DEDD2: variants seen among roughly 807,000 people sequenced by gnomAD.
DEDD2 encodes DNA-binding death effector domain-containing protein 2.
In DEDD2, 18 loss-of-function variants were observed where a neutral mutation model predicts 28.9. That is an observed-to-expected ratio of 0.62 (90% confidence interval 0.43 to 0.92). The LOEUF (loss-of-function observed/expected upper bound fraction) is 0.92, where lower values mean the gene tolerates loss of function less well. Among genes scored for constraint, DEDD2 ranks in the 40% least tolerant of loss-of-function variants. The probability of loss-of-function intolerance (pLI) is 0.00; values close to 1 mark genes in which losing one functional copy is unlikely to be tolerated. For missense variants in DEDD2, 411 were observed against 463.3 expected (o/e 0.89, Z 1.04); for synonymous variants, 211 against 206.1 (o/e 1.02, Z -0.20).
At position 42,216,785 on chromosome 19, in the gene DEDD2, G is replaced by A; in HGVS notation, c.223C>T (p.Arg75Cys). 6.3e-7 allele frequency: 1 copy of A among 1,588,752 alleles called. No individual in the cohort carries two copies. Among genetic ancestry groups the A allele is most frequent in the Non-Finnish European group, 8.6e-7 (1 of 1,167,928 alleles). Residue 75 changes from arginine (R) to cysteine (C), a missense_variant, in exon 2 of 5, where the codon CGC becomes TGC. Coordinates refer to ENST00000596251, the MANE Select transcript of DEDD2 (RefSeq NM_133328.4). ...GLELLLELER[R>C]GQCDESNLRL... ...AGGTTGCTCTCGTCGCACTGCCCGC[G>A]GCGCTCCAGCTCCAGCAGGAGCTCT...
At position 42,199,220 on chromosome 19, in the gene DEDD2, G is replaced by T. The variant is rs773395775; in HGVS notation, c.*218C>A. ...CTCCGGAGGCTAAGGGGGCACACCT[G>T]GGGGTAGGAGGAGTCTGGGAAGGAA... is the stretch of plus-strand genomic sequence containing the variant. On this transcript the variant is annotated 3_prime_UTR_variant, in exon 5 of 5. Transcript: ENST00000596251. The surrounding 1 kb of genome is among the most constrained non-coding windows in gnomAD (Gnocchi z 7.4). The T allele has an allele frequency of 2.9e-6, 2 of 700,934 alleles. No homozygotes were observed. Among genetic ancestry groups the T allele is most frequent in the Non-Finnish European group, 4.5e-6 (2 of 440,604 alleles). The allele number at this position is 700,934 out of a possible 1,614,324, so 43.4% of individuals were successfully genotyped here.
chr19:42,204,862 C>A (rs2035469435), intron 4 of DEDD2, among the ~76,000 whole-genome samples: 1 of 151,954 alleles, frequency 6.6e-6, no homozygotes, highest in African/African-American at 2.4e-5. Context: ...ACAACAAAGC[C>A]AGCATCATCA....
At chr19:42,219,886 A>G (rs144607080), upstream of DEDD2, among the ~76,000 whole-genome samples, 2 of 152,284 alleles carry the variant, frequency 1.3e-5, no homozygotes, top group African/African-American at 4.8e-5. Flanking sequence ...CCCCTAAACA[A>G]TCTTTGAGGT....
At position 42,202,986 on chromosome 19, in the gene DEDD2, G is replaced by A. The variant is rs903712447; in HGVS notation, c.590-3157C>T. 3.9e-5 allele frequency among the ~76,000 whole-genome samples: 6 copies of A among 152,094 alleles called. 1 individual carries two copies. In the South Asian group the frequency reaches 6.2e-4, roughly 16 times the overall value. ...TATAGCTTTTACTACAGGCTGGCAC[G>A]GTACTACATACTTCACATCTGCTGA... On this transcript the variant is annotated intron_variant, in intron 4 of 4. Coordinates refer to ENST00000596251, the MANE Select transcript of DEDD2 (RefSeq NM_133328.4).
rs1330201397 is a variant in DEDD2 at position 42,216,842 on chromosome 19, C to T, written c.166G>A (p.Ala56Thr). ...AFLLDEAPGAAGGLARARSGL... is the reference protein window; with the variant it reads ...AFLLDEAPGATGGLARARSGL... ...CTGCGGGCCCGGGCTAAGCCTCCGG[C>T]GGCGCCAGGAGCCTCATCCAGCAGA... Residue 56 changes from alanine (A) to threonine (T), a missense_variant, in exon 2 of 5, where the codon GCC (alanine) becomes ACC (threonine). Ala to Thr is a moderately conservative substitution (Grantham distance 58, BLOSUM62 0). This residue lies in a region of DEDD2 where 282 missense variants were observed against 273.4 expected (regional missense o/e 1.03). Coordinates refer to ENST00000596251, the MANE Select transcript of DEDD2 (RefSeq NM_133328.4). The T allele has an allele frequency of 1.3e-6, 2 of 1,587,860 alleles. No homozygotes were observed. The highest frequency in any genetic ancestry group is 1.3e-5 in the African/African-American group (1 of 74,214).
At chr19:42,210,788 G>A (rs1222253391) in intron 3 of DEDD2, among the ~76,000 whole-genome samples, 3 of 151,910 alleles carry the variant, frequency 2.0e-5, no homozygotes, top group Admixed American at 6.6e-5. Flanking sequence ...CAAATAGGCC[G>A]CACACGGTGT....
rs752450468 is a variant in DEDD2 at position 42,206,086 on chromosome 19, TA to T, written c.589+3613del. ...GCGACGGAGACCCTGTCTCATAATT[TA>T]AAAAAAAAAAAAAAAATTGCAGGGG... On this transcript the variant is annotated intron_variant, in intron 4 of 4. Transcript: ENST00000596251. 6.5e-3 allele frequency among the ~76,000 whole-genome samples: 831 copies of T among 127,446 alleles called. 2 individuals carry two copies. Among genetic ancestry groups the T allele is most frequent in the African/African-American group, 9.3e-3 (315 of 33,854 alleles). The allele number at this position is 127,446 out of a possible 152,430, so 83.6% of individuals were successfully genotyped here.
intron 4 of DEDD2, among the ~76,000 whole-genome samples, chr19:42,203,341 T>C (rs1380899419): frequency 6.6e-6 from 1 of 151,890 alleles, no homozygotes; most frequent in Non-Finnish European, 1.5e-5. Flanking sequence ...TGAAGTAAAA[T>C]GTGAAGGAGG....
chr19:42,216,509 G>A (rs1599790197), intron 2 of DEDD2, among the ~76,000 whole-genome samples, 171 bp downstream of exon 2: 1 of 152,232 alleles, frequency 6.6e-6, no homozygotes, highest in Non-Finnish European at 1.5e-5. Context: ...AATTCCCAAA[G>A]CCATGCTTTC....
At chr19:42,203,649 C>T (rs2035418477) in intron 4 of DEDD2, among the ~76,000 whole-genome samples, 1 of 152,162 alleles carries the variant, frequency 6.6e-6, no homozygotes, top group African/African-American at 2.4e-5. Flanking sequence ...CTAACATCCG[C>T]CCATGTGGGG....
chr19:42,205,608 C>A (rs906390410), intron 4 of DEDD2, among the ~76,000 whole-genome samples: 6 of 151,358 alleles, frequency 4.0e-5, no homozygotes, highest in African/African-American at 4.9e-5. Context: ...GCCTGGGCAA[C>A]AACAGCAAAA....
rs2035229233 is a variant in DEDD2, at chr19:42,199,374, G to A, written c.*64C>T. ...TGACAGTCCTCTAGGGGTAGAGATGGTCGTCCTCCCAGGAGAAGGTGGCCC... is the reference window on the plus strand; with the variant it reads ...TGACAGTCCTCTAGGGGTAGAGATGATCGTCCTCCCAGGAGAAGGTGGCCC... On this transcript the variant is annotated 3_prime_UTR_variant, in exon 5 of 5. Coordinates refer to ENST00000596251, the MANE Select transcript of DEDD2 (RefSeq NM_133328.4). This position sits in a 1 kb window ranked among gnomAD's most constrained non-coding sequence, Gnocchi z 7.4. The A allele has an allele frequency of 1.4e-6, 2 of 1,476,416 alleles. No homozygotes were observed. Among genetic ancestry groups the A allele is most frequent in the South Asian group, 2.7e-5 (2 of 73,356 alleles). The allele number at this position is 1,476,416 out of a possible 1,614,324, so 91.5% of individuals were successfully genotyped here.
At chr19:42,200,413 G>A (rs775796644) in intron 4 of DEDD2, among the ~76,000 whole-genome samples, 2 of 152,236 alleles carry the variant, frequency 1.3e-5, no homozygotes, top group East Asian at 1.9e-4. Flanking sequence ...ATGAACTAAT[G>A]GACTTGCCTT....
intron 4 of DEDD2, among the ~76,000 whole-genome samples, chr19:42,206,556 G>A (rs533541902): frequency 2.6e-5 from 4 of 152,252 alleles, no homozygotes; most frequent in African/African-American, 7.2e-5. Flanking sequence ...TTCCCTGATC[G>A]TGCCTCTTCC....
intron 3 of DEDD2, among the ~76,000 whole-genome samples, chr19:42,213,670 C>G (rs1442482648): frequency 6.6e-6 from 1 of 151,972 alleles, no homozygotes; most frequent in African/African-American, 2.4e-5. Flanking sequence ...TTACATAACT[C>G]CATCAGGAAA....
intron 4 of DEDD2, among the ~76,000 whole-genome samples, chr19:42,205,490 G>A (rs76718343): frequency 0.079 from 12,083 of 152,118 alleles, 666 homozygotes; most frequent in South Asian, 0.18. Context: ...AGCCGGGTGT[G>A]GTAGCACATG....
chr19:42,219,727 G>T (rs1033154782), upstream of DEDD2, among the ~76,000 whole-genome samples: 1 of 152,234 alleles, frequency 6.6e-6, no homozygotes, highest in African/African-American at 2.4e-5. Flanking sequence ...CTCACAAGGG[G>T]GCCTGGTAAG....
intron 4 of DEDD2, among the ~76,000 whole-genome samples, chr19:42,207,708 T>C (rs985571362): frequency 6.6e-6 from 1 of 152,162 alleles, no homozygotes; most frequent in African/African-American, 2.4e-5. Flanking sequence ...GAACAGTGCT[T>C]GGCATAAAGA....
chr19:42,219,308 C>A (rs980583243), upstream of DEDD2, among the ~76,000 whole-genome samples: 4 of 143,570 alleles, frequency 2.8e-5, no homozygotes, highest in Non-Finnish European at 6.1e-5. Flanking sequence ...CTGTCTCAAA[C>A]AAACAAACAA....
Sources: allele counts gnomAD v4.1 joint callset (sites outside exome capture counted in the v4.1 genomes callset), GRCh38; gene constraint gnomAD v4.1.1; regional missense constraint gnomAD v4.1.1; non-coding constraint Gnocchi (gnomAD v3.1); transcripts MANE v1.5; gene names NCBI Gene and HGNC (gene_info 2026-07-23, HGNC 2026-07-21).